Variants in PDLIM5 observed in about 807,000 individuals in gnomAD.
The protein encoded by PDLIM5 is PDZ and LIM domain 5.
A neutral mutation model predicts 64.2 loss-of-function variants in PDLIM5; 34 were observed. The ratio of observed to expected loss-of-function variants is 0.53; its 90% CI spans 0.40 to 0.71. The LOEUF (loss-of-function observed/expected upper bound fraction) is 0.71, where lower values mean the gene tolerates loss of function less well. Among genes scored for constraint, PDLIM5 ranks in the 30% least tolerant of loss-of-function variants. The probability of loss-of-function intolerance (pLI) is 0.00; values close to 1 mark genes in which losing one functional copy is unlikely to be tolerated. For synonymous variants in PDLIM5, 253 were observed against 269.1 expected (o/e 0.94, Z 0.59); for missense variants, 683 against 733.6 (o/e 0.93, Z 0.80).
At chr4:94,521,632 A>G (rs1729837233) in intron 2 of PDLIM5, among the ~76,000 whole-genome samples, 1 of 151,296 alleles carries the variant, frequency 6.6e-6, no homozygotes, top group Non-Finnish European at 1.5e-5. Context: ...TAAAGGGAGC[A>G]GAATAAGAAA....
chr4:94,560,938 A>C lies in PDLIM5; in HGVS notation c.249-12413A>C, dbSNP rs895505671. The stretch of plus-strand genomic sequence containing the variant: ...AGACAGGGTTTACATCGTGTTAGCC[A>C]GGATGGTCTTGATCTCCTGACCTCA... On this transcript the variant is annotated intron_variant, in intron 3 of 12. Transcript: ENST00000317968. Among the ~76,000 whole-genome samples, 7 of 152,072 alleles carry C rather than the reference A, an allele frequency of 4.6e-5. No individual in the cohort carries two copies. In the East Asian group the frequency reaches 1.4e-3, roughly 29 times the overall value.
rs986129186 is a variant in PDLIM5 at position 94,494,580 on chromosome 4, C to A, written c.97-29144C>A. ...TCAGCCTCCTGAGTAGCTGTGATTA[C>A]TGGCTCCTGCCACCATGCCCGGCTA... is the stretch of plus-strand genomic sequence containing the variant. On this transcript the variant is annotated intron_variant, in intron 2 of 12. Transcript: ENST00000317968. 7.9e-5 allele frequency among the ~76,000 whole-genome samples: 12 copies of A among 151,546 alleles called. No homozygotes were observed. The East Asian group carries it at 2.4e-3, about 30-fold the overall frequency.
chr4:94,494,432 G>GGTTTTTTTTTTTTTTTTTTCTTT (rs1553940971), intron 2 of PDLIM5, among the ~76,000 whole-genome samples: 1 of 70,770 alleles, frequency 1.4e-5, no homozygotes. Flanking sequence ...TTTTTTTCTT[G>GGTTTTTTTTTTTTTTTTTTCTTT]TTTTTTTTTT....
intron 3 of PDLIM5, among the ~76,000 whole-genome samples, chr4:94,532,904 G>A (rs1731016679): frequency 6.6e-6 from 1 of 152,170 alleles, no homozygotes; most frequent in Non-Finnish European, 1.5e-5. Context: ...TGGGGAGGGT[G>A]AGACAGGAGA....
chr4:94,514,306 T>G (rs950731698), intron 2 of PDLIM5, among the ~76,000 whole-genome samples: 4 of 151,988 alleles, frequency 2.6e-5, no homozygotes, highest in African/African-American at 9.7e-5. Context: ...AGCTAATTTT[T>G]TGTATTTTTA....
chr4:94,458,063 T>A (rs1346535140), intron 2 of PDLIM5, among the ~76,000 whole-genome samples: 1 of 152,198 alleles, frequency 6.6e-6, no homozygotes, highest in Non-Finnish European at 1.5e-5. Flanking sequence ...TAGTTATTTT[T>A]AACCCCTTGT....
At chr4:94,606,646 G>T (rs6822264) in intron 7 of PDLIM5, among the ~76,000 whole-genome samples, 1 of 152,226 alleles carries the variant, frequency 6.6e-6, no homozygotes, top group African/African-American at 2.4e-5. Context: ...CAGACATGAT[G>T]GCATTTGTAT....
chr4:94,618,030 T>C lies in PDLIM5; in HGVS notation c.947T>C (p.Leu316Ser). Residue 316 changes from leucine (L) to serine (S), a missense_variant, in exon 8 of 13, where the codon TTG (leucine) becomes TCG (serine). By Grantham distance (145) the Leu-to-Ser change is moderately radical. Transcript: ENST00000317968. ...AACTCTCAGGAGCCTTCTCCGCAGT[T>C]GGCTTCCTCGGTAGCTTCCACACGG... The part of the protein sequence containing the change: ...ANNSQEPSPQ[L>S]ASSVASTRSM... 1.3e-6 allele frequency: 2 copies of C among 1,584,516 alleles called. No individual in the cohort carries two copies. Among genetic ancestry groups the C allele is most frequent in the Non-Finnish European group, 1.7e-6 (2 of 1,165,546 alleles).
intron 6 of PDLIM5, among the ~76,000 whole-genome samples, chr4:94,586,170 A>C (rs1736181233): frequency 7.6e-6 from 1 of 131,434 alleles, no homozygotes; most frequent in Non-Finnish European, 1.7e-5. Flanking sequence ...TCTGTCTCAA[A>C]AATAAATAAA....
intron 9 of PDLIM5, among the ~76,000 whole-genome samples, chr4:94,645,064 C>T (rs1044871733): frequency 6.6e-6 from 1 of 152,170 alleles, no homozygotes; most frequent in African/African-American, 2.4e-5. Flanking sequence ...TTATCCCTCA[C>T]CCACTTCCCA....
At chr4:94,583,810 C>G (rs552056162) in intron 5 of PDLIM5, among the ~76,000 whole-genome samples, 7 of 152,184 alleles carry the variant, frequency 4.6e-5, no homozygotes, top group Non-Finnish European at 8.8e-5. Context: ...TTCTAGTAAT[C>G]ATAAAAGAAT....
At chr4:94,663,534 C>T (rs1423220210) in intron 12 of PDLIM5, among the ~76,000 whole-genome samples, 2 of 152,106 alleles carry the variant, frequency 1.3e-5, no homozygotes, top group East Asian at 1.9e-4. Flanking sequence ...AAAAGGGTCT[C>T]AGGTATTCTG....
At chr4:94,542,987 A>G (rs1372762063) in intron 3 of PDLIM5, among the ~76,000 whole-genome samples, 1 of 152,234 alleles carries the variant, frequency 6.6e-6, no homozygotes, top group Non-Finnish European at 1.5e-5. Context: ...GGGAAAATGC[A>G]AAAGTGGACA....
intron 9 of PDLIM5, 132 bp downstream of exon 9, chr4:94,640,582 T>C: frequency 1.9e-6 from 1 of 530,280 alleles, no homozygotes; most frequent in Non-Finnish European, 3.3e-6. Context: ...AGAGTACTAA[T>C]TATTGAGTAA....
At chr4:94,578,963 C>T (rs1414367655) in intron 5 of PDLIM5, among the ~76,000 whole-genome samples, 3 of 152,004 alleles carry the variant, frequency 2.0e-5, no homozygotes, top group Non-Finnish European at 2.9e-5. Context: ...AGTTTGATAG[C>T]TATTCCACGC....
At chr4:94,503,963 C>T (rs1446714552) in intron 2 of PDLIM5, among the ~76,000 whole-genome samples, 1 of 152,188 alleles carries the variant, frequency 6.6e-6, no homozygotes, top group Non-Finnish European at 1.5e-5. Context: ...ATTACTATTA[C>T]ATCTTTATGG....
Position 94,455,672 on chromosome 4 carries a change from G to T in PDLIM5, c.96+288G>T. The T allele has an allele frequency of 2.1e-6, 2 of 944,976 alleles. 1 individual carries two copies. Among genetic ancestry groups the T allele is most frequent in the Non-Finnish European group, 3.2e-6 (2 of 632,490 alleles). The allele number at this position is 944,976 out of a possible 1,614,324, so 58.5% of individuals were successfully genotyped here. A position where few individuals can be genotyped will look rare whatever the true frequency, so the allele number is the denominator to read the frequency against. On this transcript the variant is annotated intron_variant, in intron 2 of 12. Transcript: ENST00000317968. ...ATTTTTGAACTGTCCCTAATTTGGGGAATTCTCTGAATCTTCGTTCTTTCA... is the reference window on the plus strand; with the variant it reads ...ATTTTTGAACTGTCCCTAATTTGGGTAATTCTCTGAATCTTCGTTCTTTCA...
intron 3 of PDLIM5, among the ~76,000 whole-genome samples, chr4:94,543,703 A>C (rs1162860315): frequency 6.6e-6 from 1 of 151,936 alleles, no homozygotes; most frequent in African/African-American, 2.4e-5. Context: ...TTCACTTAAC[A>C]TAATGTCCTC....
intron 3 of PDLIM5, among the ~76,000 whole-genome samples, chr4:94,530,680 A>C (rs1245922829): frequency 6.6e-6 from 1 of 152,004 alleles, no homozygotes; most frequent in African/African-American, 2.4e-5. Context: ...GACCTAGAAG[A>C]ATTGAGTTTT....
Sources: gnomAD v4.1 joint callset for allele counts (sites outside exome capture counted in the v4.1 genomes callset) on GRCh38, gnomAD v4.1.1 for gene constraint, MANE v1.5 for transcripts, NCBI Gene and HGNC (gene_info 2026-07-23, HGNC 2026-07-21) for gene names.